PTPN23: variants seen among roughly 807,000 people sequenced by gnomAD.
The protein encoded by PTPN23 is tyrosine-protein phosphatase non-receptor type 23.
In PTPN23, 72 loss-of-function variants were observed where a neutral mutation model predicts 156.3. That is an observed-to-expected ratio of 0.46 (90% confidence interval 0.38 to 0.56). PTPN23 has a LOEUF of 0.56. Among genes scored for constraint, PTPN23 ranks in the 20% least tolerant of loss-of-function variants. The pLI, the probability that PTPN23 is intolerant of heterozygous loss-of-function variation, is 0.00. For missense variants in PTPN23, 1,974 were observed against 2,171.5 expected, an observed-to-expected ratio of 0.91 and a Z score of 1.81; for synonymous variants, 957 against 899.6, an observed-to-expected ratio of 1.06 and a Z score of -1.14.
rs1705143575 is a variant in PTPN23 at position 47,407,055 on chromosome 3, G to A, written c.808-75G>A. 2 of 1,587,624 alleles carry A rather than the reference G, an allele frequency of 1.3e-6. No homozygotes were observed. The highest frequency in any genetic ancestry group is 1.7e-6 in the Non-Finnish European group (2 of 1,158,584). On this transcript the variant is annotated intron_variant, in intron 9 of 24. Coordinates refer to ENST00000265562, the MANE Select transcript of PTPN23 (RefSeq NM_015466.4). This position sits in a 1 kb window ranked among gnomAD's most constrained non-coding sequence, Gnocchi z 4.0. The stretch of plus-strand genomic sequence containing the variant: ...TGCTTGTCATCTGATGGACAGGCAG[G>A]GCCGGGTGGGAGGCAGGAGGAGAAA...
chr3:47,405,903 A>C lies in PTPN23; in HGVS notation c.415-12A>C, dbSNP rs779062095. On this transcript the variant is annotated splice_polypyrimidine_tract_variant and intron_variant, in intron 5 of 24. Transcript: ENST00000265562. This position sits in a 1 kb window ranked among gnomAD's most constrained non-coding sequence, Gnocchi z 4.7. ...TGGAGTGGACACAGGCCATCCTCCC[A>C]CTCCCTCCCAGGGCATGAAGGTCTC... 8.7e-5 allele frequency: 140 copies of C among 1,611,984 alleles called. No individual in the cohort carries two copies. Among genetic ancestry groups the C allele is most frequent in the Non-Finnish European group, 1.1e-4 (135 of 1,179,192 alleles).
At position 47,410,608 on chromosome 3, in the gene PTPN23, A is replaced by C; in HGVS notation, c.2810A>C (p.His937Pro). 6.2e-7 allele frequency: 1 copy of C among 1,603,976 alleles called. No individual in the cohort carries two copies. Among genetic ancestry groups the C allele is most frequent in the Non-Finnish European group, 8.5e-7 (1 of 1,177,914 alleles). ...GAKQPIPAQH[H>P]FSSGIPAGFP... ...AAGCAACCCATCCCGGCACAGCACCACTTCTCTTCTGGGATCCCCGCAGGT... is the reference window on the plus strand; with the variant it reads ...AAGCAACCCATCCCGGCACAGCACCCCTTCTCTTCTGGGATCCCCGCAGGT... Residue 937 changes from histidine to proline, a missense_variant, in exon 20 of 25, where the codon CAC becomes CCC. Coordinates refer to ENST00000265562, the MANE Select transcript of PTPN23 (RefSeq NM_015466.4).
intron 14 of PTPN23, 93 bp downstream of exon 14, chr3:47,408,048 AATGT>A: frequency 7.0e-7 from 1 of 1,421,180 alleles, no homozygotes; most frequent in Non-Finnish European, 9.7e-7. Flanking sequence ...AGAGGAATGA[AATGT>A]CCATTCCAAA....
In PTPN23 at chr3:47,412,916, C is replaced by G. The variant is rs1298503490; in HGVS notation, c.4642C>G (p.Leu1548Val). 8.7e-6 allele frequency: 14 copies of G among 1,603,452 alleles called. No individual in the cohort carries two copies. The highest frequency in any genetic ancestry group is 2.2e-5 in the South Asian group (2 of 90,388). ...TPIPSSSPPP[L>V]SSPLPEAPQP... ...AATCCCATCTTCCTCCCCGCCCCCCCTTTCCTCCCCACTACCTGAGGCTCC... is the reference window on the plus strand; with the variant it reads ...AATCCCATCTTCCTCCCCGCCCCCCGTTTCCTCCCCACTACCTGAGGCTCC... Residue 1548 changes from leucine to valine, a missense_variant, in exon 25 of 25, where the codon CTT becomes GTT. Leu to Val is a conservative substitution (Grantham distance 32). Coordinates refer to ENST00000265562, the MANE Select transcript of PTPN23 (RefSeq NM_015466.4).
intron 18 of PTPN23, 42 bp from the exon 19 acceptor site, chr3:47,409,613 C>T: frequency 1.2e-6 from 2 of 1,612,352 alleles, no homozygotes; most frequent in Non-Finnish European, 1.7e-6. Context: ...ACCTGGAGCC[C>T]AGCCCCATGG....
chr3:47,404,334 A>C (rs1022423648), intron 2 of PTPN23, among the ~76,000 whole-genome samples: 1 of 151,206 alleles, frequency 6.6e-6, no homozygotes, highest in African/African-American at 2.4e-5. Flanking sequence ...TGGGAGGCTG[A>C]GGCAGGAGAA....
Position 47,413,385 on chromosome 3 carries a change from C to T in PTPN23, c.*200C>T, listed in dbSNP as rs972724628. On this transcript the variant is annotated 3_prime_UTR_variant, in exon 25 of 25. Coordinates refer to ENST00000265562, the MANE Select transcript of PTPN23 (RefSeq NM_015466.4). ...TCAGGTTCTGCTCCTTTATGGGACC[C>T]GACATTTTTCAGCTCTTTGCTATTG... 1.0e-4 allele frequency: 69 copies of T among 660,608 alleles called. No individual in the cohort carries two copies. The highest frequency in any genetic ancestry group is 3.2e-4 in the African/African-American group (18 of 55,512). The allele number at this position is 660,608 out of a possible 1,614,324, so 40.9% of individuals were successfully genotyped here.
At position 47,412,558 on chromosome 3, in the gene PTPN23, G is replaced by C. The variant is rs1188022745; in HGVS notation, c.4362G>C (p.Glu1454Asp). The change falls in exon 24 of 25, where the codon GAG becomes GAC. Residue 1454 changes from glutamate to aspartate, a missense_variant. By Grantham distance (45) the Glu-to-Asp change is conservative. Coordinates refer to ENST00000265562, the MANE Select transcript of PTPN23 (RefSeq NM_015466.4). ...FCYEAVVRHV[E>D]QVLQRHGVPP... ...ATGAGGCAGTGGTGAGACACGTGGA[G>C]CAGGTCCTGCAGCGCCATGGTGTGC... is the stretch of plus-strand genomic sequence containing the variant. The C allele has an allele frequency of 1.9e-6, 3 of 1,613,662 alleles. No homozygotes were observed. Among genetic ancestry groups the C allele is most frequent in the Non-Finnish European group, 2.5e-6 (3 of 1,180,012 alleles).
chr3:47,395,548 C>T (rs1344346935), intron 1 of PTPN23, among the ~76,000 whole-genome samples: 1 of 152,214 alleles, frequency 6.6e-6, no homozygotes, highest in East Asian at 1.9e-4. Context: ...CACTCCAGTG[C>T]TCTCTCTGAT....
chr3:47,386,184 A>T lies in PTPN23; in HGVS notation c.84+5004A>T, dbSNP rs181003573. Among the ~76,000 whole-genome samples, 151 of 151,356 alleles carry T rather than the reference A, an allele frequency of 1.0e-3. 3 individuals are homozygous for T. The highest frequency in any genetic ancestry group is 3.4e-3 in the African/African-American group (142 of 41,172). On this transcript the variant is annotated intron_variant, in intron 1 of 24. Transcript: ENST00000265562. The stretch of plus-strand genomic sequence containing the variant: ...CTGGTTTTTTTTTCTTTTTTTTTGG[A>T]GACAGAGTCTCGCTCTGTCACCCAG...
At position 47,410,430 on chromosome 3, in the gene PTPN23, C is replaced by T. The variant is rs541722376; in HGVS notation, c.2632C>T (p.Arg878Trp). 1.4e-5 allele frequency: 22 copies of T among 1,611,368 alleles called. No individual in the cohort carries two copies. The highest frequency in any genetic ancestry group is 6.7e-5 in the East Asian group (3 of 44,832). Residue 878 changes from arginine to tryptophan, a missense_variant, in exon 20 of 25, where the codon CGG (arginine) becomes TGG (tryptophan). Arg to Trp is a moderately radical substitution (Grantham distance 101). Transcript: ENST00000265562. ...FSGPELAMAV[R>W]PATTTVDSIQ... The stretch of plus-strand genomic sequence containing the variant: ...AGGCCCCGAGTTGGCCATGGCGGTT[C>T]GGCCAGCCACCACCACAGTAGATAG...
intron 1 of PTPN23, among the ~76,000 whole-genome samples, chr3:47,394,652 G>T (rs1405247995): frequency 6.6e-6 from 1 of 152,196 alleles, no homozygotes; most frequent in Admixed American, 6.5e-5. Context: ...AACAGGTTGT[G>T]CAGGGTCATA....
chr3:47,406,175 A>C lies in PTPN23; in HGVS notation c.546+129A>C. 6.7e-7 allele frequency: 1 copy of C among 1,486,726 alleles called. No individual in the cohort carries two copies. The highest frequency in any genetic ancestry group is 9.1e-7 in the Non-Finnish European group (1 of 1,097,988). The allele number at this position is 1,486,726 out of a possible 1,614,324, so 92.1% of individuals were successfully genotyped here. A position where few individuals can be genotyped will look rare whatever the true frequency, so the allele number is the denominator to read the frequency against. ...CAAGGGGCCTTGGCTTTGTTGAATC[A>C]GGAGCACCGTGGTGCTGCTTGGAGT... On this transcript the variant is annotated intron_variant, in intron 6 of 24. Transcript: ENST00000265562. The surrounding 1 kb of genome is among the most constrained non-coding windows in gnomAD (Gnocchi z 5.8).
chr3:47,388,110 C>G (rs1019680838), intron 1 of PTPN23, among the ~76,000 whole-genome samples: 3 of 152,226 alleles, frequency 2.0e-5, no homozygotes, highest in African/African-American at 7.2e-5. Flanking sequence ...ACAAAGATTA[C>G]ATAACTAATG....
At chr3:47,408,703 T>C (rs1395040507) in intron 15 of PTPN23, 73 bp from the exon 16 acceptor site, 10 of 1,521,864 alleles carry the variant, frequency 6.6e-6, no homozygotes, top group Admixed American at 2.0e-5. Context: ...GGCGGTTCTG[T>C]CTCTTGGGGG....
intron 1 of PTPN23, among the ~76,000 whole-genome samples, chr3:47,389,546 G>T (rs1306749206): frequency 2.0e-5 from 3 of 151,568 alleles, no homozygotes; most frequent in Non-Finnish European, 2.9e-5. Context: ...CGAAGTCAAG[G>T]GTTCGGGACC....
Position 47,411,225 on chromosome 3 carries a change from C to T in PTPN23, c.3427C>T (p.Pro1143Ser). The T allele has an allele frequency of 6.2e-7, 1 of 1,606,126 alleles. No homozygotes were observed. Among genetic ancestry groups the T allele is most frequent in the Non-Finnish European group, 8.5e-7 (1 of 1,178,896 alleles). ...TGGGGGTGGGCAGCCCCTGCTGCAG[C>T]CCACCAAGGTGGATGCAGCTGAGGG... ...SPGGGQPLLQPTKVDAAEGRR... is the reference protein window; with the variant it reads ...SPGGGQPLLQSTKVDAAEGRR... Residue 1143 changes from proline to serine, a missense_variant, in exon 20 of 25, where the codon CCC becomes TCC. Around this residue, in one of 4 missense-constraint regions of PTPN23, gnomAD observed 731 missense variants for 669.1 expected, o/e 1.09. Coordinates refer to ENST00000265562, the MANE Select transcript of PTPN23 (RefSeq NM_015466.4). The surrounding 1 kb of genome is among the most constrained non-coding windows in gnomAD (Gnocchi z 6.3).
At chr3:47,403,940 T>G (rs959555086) in intron 2 of PTPN23, among the ~76,000 whole-genome samples, 9 of 152,184 alleles carry the variant, frequency 5.9e-5, no homozygotes, top group African/African-American at 2.2e-4. Context: ...GATACAGAAC[T>G]GTAGGTCATG....
rs374612667 is a variant in PTPN23, at chr3:47,411,712, G to A, written c.3888+26G>A. 8 of 1,596,976 alleles carry A rather than the reference G, an allele frequency of 5.0e-6. No individual in the cohort carries two copies. The highest frequency in any genetic ancestry group is 2.7e-5 in the African/African-American group (2 of 74,774). ...GTGAGAAGAGGGGGTGGGTGCCCAC[G>A]AGGGCAGTGTGGGGTGGCAGGGCAG... is the stretch of plus-strand genomic sequence containing the variant. On this transcript the variant is annotated intron_variant, in intron 20 of 24. Coordinates refer to ENST00000265562, the MANE Select transcript of PTPN23 (RefSeq NM_015466.4). The surrounding 1 kb of genome is among the most constrained non-coding windows in gnomAD (Gnocchi z 6.3).
Sources: gnomAD v4.1 joint callset for allele counts (sites outside exome capture counted in the v4.1 genomes callset) on GRCh38, gnomAD v4.1.1 for gene constraint, gnomAD v4.1.1 regional missense constraint, Gnocchi (gnomAD v3.1) non-coding constraint, MANE v1.5 for transcripts, NCBI Gene and HGNC (gene_info 2026-07-23, HGNC 2026-07-21) for gene names.